TMEM117: variants seen among roughly 807,000 people sequenced by gnomAD.
The protein encoded by TMEM117 is transmembrane protein 117.
A neutral mutation model predicts 52.4 loss-of-function variants in TMEM117; 27 were observed. The ratio of observed to expected loss-of-function variants is 0.51; its 90% confidence interval spans 0.38 to 0.71. TMEM117 has a LOEUF of 0.71. Ranked by LOEUF, TMEM117 falls within the 30% of genes least tolerant of loss-of-function variation. The pLI is 0.00. For synonymous variants in TMEM117, 215 were observed against 206.3 expected, an observed-to-expected ratio of 1.04 and a Z score of -0.36; for missense variants, 556 against 630.5, an observed-to-expected ratio of 0.88 and a Z score of 1.26.
At chr12:43,977,891 G>T (rs1361191652) in intron 3 of TMEM117, among the ~76,000 whole-genome samples, 4 of 152,190 alleles carry the variant, frequency 2.6e-5, no homozygotes, top group Admixed American at 6.5e-5. Flanking sequence ...AAGAGCATGT[G>T]TGCTAATTAG....
intron 4 of TMEM117, among the ~76,000 whole-genome samples, chr12:44,168,252 C>CAA (rs111854378): frequency 3.0e-5 from 4 of 133,986 alleles, no homozygotes; most frequent in Non-Finnish European, 5.0e-5. Flanking sequence ...GACCCCATCT[C>CAA]AAAAAAAAAA....
intron 2 of TMEM117, among the ~76,000 whole-genome samples, chr12:43,933,269 G>C (rs1944900535): frequency 1.3e-5 from 2 of 150,762 alleles, no homozygotes; most frequent in Admixed American, 6.6e-5. Flanking sequence ...GCACGATCTC[G>C]GCTCACTGCA....
intron 3 of TMEM117, among the ~76,000 whole-genome samples, chr12:44,059,029 T>G (rs1258443023): frequency 3.9e-5 from 6 of 152,146 alleles, no homozygotes; most frequent in African/African-American, 1.4e-4. Flanking sequence ...TTAGTTAGAT[T>G]CTCATAGGAG....
chr12:43,820,813 A>G, the TMEM117 span, among the ~76,000 whole-genome samples: 8 of 152,122 alleles, frequency 5.3e-5, no homozygotes, highest in African/African-American at 1.9e-4. Context: ...TATAAGAAGC[A>G]TAAAGTGGCC....
chr12:43,893,296 A>G (rs1474622591), intron 2 of TMEM117, among the ~76,000 whole-genome samples: 1 of 152,222 alleles, frequency 6.6e-6, no homozygotes, highest in Non-Finnish European at 1.5e-5. Flanking sequence ...GACAAATCAA[A>G]TGCTTTTCTA....
chr12:44,330,124 G>T (rs558504030), intron 6 of TMEM117, among the ~76,000 whole-genome samples: 2 of 151,910 alleles, frequency 1.3e-5, no homozygotes, highest in Non-Finnish European at 2.9e-5. Context: ...ATGCACAAGG[G>T]TTCCAATTTC....
intron 2 of TMEM117, among the ~76,000 whole-genome samples, chr12:43,859,516 A>C (rs77036302): frequency 1.3e-5 from 2 of 149,084 alleles, no homozygotes; most frequent in African/African-American, 4.9e-5. Flanking sequence ...GGGAAAAAAA[A>C]CAGAATATAT....
At chr12:44,358,551 G>A (rs1951681997) in intron 6 of TMEM117, among the ~76,000 whole-genome samples, 1 of 152,142 alleles carries the variant, frequency 6.6e-6, no homozygotes, top group East Asian at 1.9e-4. Flanking sequence ...ATAATTTCCA[G>A]TAGTCAGTGA....
chr12:44,095,015 T>C lies in TMEM117; in HGVS notation c.411-48510T>C, dbSNP rs138649678. Among the ~76,000 whole-genome samples, 360 of 152,230 alleles carry C rather than the reference T, an allele frequency of 2.4e-3. 5 individuals are homozygous for C. Among genetic ancestry groups the C allele is most frequent in the African/African-American group, 8.3e-3 (344 of 41,544 alleles). On this transcript the variant is annotated intron_variant, in intron 3 of 7. Transcript: ENST00000266534. Reference sequence around the variant, plus strand: ...CTAATTAGTTAAAATATTACCATGTTGGTCAACATTTTTTGTCAGGGGTGG... The same window carrying C: ...CTAATTAGTTAAAATATTACCATGTCGGTCAACATTTTTTGTCAGGGGTGG...
chr12:44,238,367 T>C (rs1950022986), intron 5 of TMEM117, among the ~76,000 whole-genome samples: 1 of 152,034 alleles, frequency 6.6e-6, no homozygotes, highest in African/African-American at 2.4e-5. Context: ...AGTAAAACTT[T>C]ATGGAAGGGA....
At chr12:44,023,668 G>A (rs1344770855) in intron 3 of TMEM117, among the ~76,000 whole-genome samples, 2 of 151,664 alleles carry the variant, frequency 1.3e-5, no homozygotes, top group African/African-American at 4.8e-5. Flanking sequence ...TTTTTGATGG[G>A]GTTGTTTGTT....
At chr12:43,939,026 A>G (rs761430348) in intron 2 of TMEM117, among the ~76,000 whole-genome samples, 42 of 152,176 alleles carry the variant, frequency 2.8e-4, no homozygotes, top group Non-Finnish European at 5.9e-4. Context: ...TAAAAAATAA[A>G]AAAAGAAAAG....
chr12:44,121,913 C>G (rs1199570069), intron 3 of TMEM117, among the ~76,000 whole-genome samples: 1 of 152,110 alleles, frequency 6.6e-6, no homozygotes, highest in Non-Finnish European at 1.5e-5. Flanking sequence ...GTCCATTGTA[C>G]TCAATATTTA....
At chr12:44,150,724 C>T (rs1415824265) in intron 4 of TMEM117, among the ~76,000 whole-genome samples, 1 of 151,916 alleles carries the variant, frequency 6.6e-6, no homozygotes, top group Non-Finnish European at 1.5e-5. Flanking sequence ...ATAATAAGTT[C>T]CAGCTAAAAA....
chr12:44,138,450 G>A (rs1222939796), intron 3 of TMEM117, among the ~76,000 whole-genome samples: 1 of 152,058 alleles, frequency 6.6e-6, no homozygotes, highest in Non-Finnish European at 1.5e-5. Context: ...CACTGAATGG[G>A]CTGAAGTAAG....
At chr12:44,246,505 G>T (rs760258592) in intron 5 of TMEM117, among the ~76,000 whole-genome samples, 13 of 152,100 alleles carry the variant, frequency 8.5e-5, no homozygotes, top group Non-Finnish European at 1.8e-4. Flanking sequence ...ATTTTAAAAA[G>T]CCAATTCAGA....
intron 3 of TMEM117, among the ~76,000 whole-genome samples, chr12:43,969,349 T>G (rs1170179031): frequency 1.9e-5 from 1 of 53,624 alleles, no homozygotes; most frequent in Non-Finnish European, 3.2e-5. Context: ...TGAAACCCCG[T>G]CTCTACTAAA....
At chr12:43,869,856 A>G (rs1359412122) in intron 2 of TMEM117, among the ~76,000 whole-genome samples, 1 of 152,140 alleles carries the variant, frequency 6.6e-6, no homozygotes, top group Non-Finnish European at 1.5e-5. Flanking sequence ...AGATTATCCC[A>G]TCACCCAGGT....
chr12:43,845,563 T>G (rs764069672), intron 2 of TMEM117, among the ~76,000 whole-genome samples: 4 of 152,046 alleles, frequency 2.6e-5, no homozygotes, highest in Non-Finnish European at 5.9e-5. Context: ...TTTATTATAC[T>G]TTAAGTTCTA....
Sources: gnomAD v4.1 joint callset for allele counts (sites outside exome capture counted in the v4.1 genomes callset) on GRCh38, gnomAD v4.1.1 for gene constraint, MANE v1.5 for transcripts, NCBI Gene and HGNC (gene_info 2026-07-23, HGNC 2026-07-21) for gene names.